NEGR1: variants seen among roughly 807,000 people sequenced by gnomAD.
NEGR1 encodes IgLON family member 4.
In NEGR1, 10 loss-of-function variants were observed where a neutral mutation model predicts 40.9. That is an observed-to-expected ratio of 0.24 (90% confidence interval 0.15 to 0.42). NEGR1 has a LOEUF of 0.42. Ranked by LOEUF, NEGR1 falls within the 10% of genes least tolerant of loss-of-function variation. NEGR1 has a pLI of 1.00. For synonymous variants in NEGR1, 185 were observed against 166.8 expected (o/e 1.11, Z -0.84); for missense variants, 352 against 438.9 (o/e 0.80, Z 1.77).
At chr1:72,051,108 T>C (rs1647055967) in intron 1 of NEGR1, among the ~76,000 whole-genome samples, 1 of 151,530 alleles carries the variant, frequency 6.6e-6, no homozygotes, top group Admixed American at 6.6e-5. Context: ...TCCCGATGCA[T>C]TGTAAGCCCA....
chr1:71,618,625 G>T (rs573091482), intron 4 of NEGR1, among the ~76,000 whole-genome samples: 8 of 152,124 alleles, frequency 5.3e-5, no homozygotes, highest in Non-Finnish European at 1.2e-4. Flanking sequence ...ACATTATGGC[G>T]AGTTGTATAA....
At chr1:72,115,290 C>T (rs1028773882) in intron 1 of NEGR1, among the ~76,000 whole-genome samples, 1 of 151,496 alleles carries the variant, frequency 6.6e-6, no homozygotes, top group African/African-American at 2.4e-5. Flanking sequence ...TAAACCAGAC[C>T]AAAAGTTAGG....
chr1:71,727,769 T>G (rs1247864446), intron 3 of NEGR1, among the ~76,000 whole-genome samples: 1 of 152,158 alleles, frequency 6.6e-6, no homozygotes, highest in Admixed American at 6.6e-5. Flanking sequence ...GATAAAGGTA[T>G]AACACAAAGG....
At chr1:71,457,839 T>C (rs528707379) in intron 6 of NEGR1, among the ~76,000 whole-genome samples, 9 of 152,050 alleles carry the variant, frequency 5.9e-5, no homozygotes, top group South Asian at 2.1e-4. Context: ...GTAGCTGGGA[T>C]TACAGGCACC....
Position 71,871,647 on chromosome 1 carries a change from T to A in NEGR1, c.409+63432A>T, listed in dbSNP as rs576854131. Among the ~76,000 whole-genome samples, 6 of 152,348 alleles carry A rather than the reference T, an allele frequency of 3.9e-5. No homozygotes were observed. In the South Asian group the frequency reaches 1.2e-3, roughly 32 times the overall value. On this transcript the variant is annotated intron_variant, in intron 2 of 6. Transcript: ENST00000357731. ...ATCAATACATGACAAGTTAAGCTGA[T>A]CTGCACTAGACAAATTGATTCTGAA...
intron 6 of NEGR1, among the ~76,000 whole-genome samples, chr1:71,585,151 A>T (rs765005777): frequency 3.9e-5 from 6 of 152,196 alleles, no homozygotes; most frequent in Non-Finnish European, 8.8e-5. Context: ...TGAGTTCAAT[A>T]ACAAAAATAT....
chr1:71,927,264 T>C (rs560130464), intron 2 of NEGR1, among the ~76,000 whole-genome samples: 1 of 152,302 alleles, frequency 6.6e-6, no homozygotes, highest in East Asian at 1.9e-4. Flanking sequence ...AATGCATTAA[T>C]TTTTTAATTG....
intron 1 of NEGR1, among the ~76,000 whole-genome samples, chr1:72,046,826 G>C (rs113796150): frequency 6.6e-6 from 1 of 151,522 alleles, no homozygotes; most frequent in Non-Finnish European, 1.5e-5. Context: ...GAAACTTAAT[G>C]TATAAAAAAT....
intron 2 of NEGR1, among the ~76,000 whole-genome samples, chr1:71,914,528 G>A (rs1661517484): frequency 6.6e-6 from 1 of 152,086 alleles, no homozygotes; most frequent in African/African-American, 2.4e-5. Context: ...TTCGAGTTTG[G>A]TGCTATCATT....
rs1650608270 is a variant in NEGR1, at chr1:72,139,896, A to T, written c.176+142423T>A. 2.6e-5 allele frequency among the ~76,000 whole-genome samples: 4 copies of T among 152,160 alleles called. No homozygotes were observed. The South Asian group carries it at 8.3e-4, about 32-fold the overall frequency. Reference sequence around the variant, plus strand: ...TTCTCTGTTTTTTCTTCCTCTTTTGACAACAGCCAGGTGTGAACTGGGAGA... The same window carrying T: ...TTCTCTGTTTTTTCTTCCTCTTTTGTCAACAGCCAGGTGTGAACTGGGAGA... On this transcript the variant is annotated intron_variant, in intron 1 of 6. Coordinates refer to ENST00000357731, the MANE Select transcript of NEGR1 (RefSeq NM_173808.3).
At chr1:72,193,807 G>A (rs1263319463) in intron 1 of NEGR1, among the ~76,000 whole-genome samples, 1 of 151,126 alleles carries the variant, frequency 6.6e-6, no homozygotes, top group Non-Finnish European at 1.5e-5. Flanking sequence ...TCATATTAAG[G>A]TGTATCCCAG....
At position 71,836,149 on chromosome 1, in the gene NEGR1, T is replaced by C. The variant is rs147747230; in HGVS notation, c.410-59852A>G. 2.6e-3 allele frequency among the ~76,000 whole-genome samples: 396 copies of C among 151,884 alleles called. 5 individuals carry two copies. Among genetic ancestry groups the C allele is most frequent in the African/African-American group, 9.1e-3 (377 of 41,444 alleles). ...TGGAGTTAAACCCAAATAGACAAAA[T>C]CCAGGCATGTTAAATCTACACTTTA... On this transcript the variant is annotated intron_variant, in intron 2 of 6. Coordinates refer to ENST00000357731, the MANE Select transcript of NEGR1 (RefSeq NM_173808.3).
chr1:72,232,200 A>C (rs563912802), intron 1 of NEGR1, among the ~76,000 whole-genome samples: 1 of 151,778 alleles, frequency 6.6e-6, no homozygotes, highest in South Asian at 2.1e-4. Flanking sequence ...CCAAAAATAC[A>C]AAAAAAATTA....
In NEGR1 at chr1:71,494,561, C is replaced by T. The variant is rs185584810; in HGVS notation, c.941-86991G>A. ...TGACTATAATAGTTTTCAATGAGTT[C>T]TGTGAGTCCTTATAGTGAATTATCA... is the stretch of plus-strand genomic sequence containing the variant. On this transcript the variant is annotated intron_variant, in intron 6 of 6. Coordinates refer to ENST00000357731, the MANE Select transcript of NEGR1 (RefSeq NM_173808.3). Among the ~76,000 whole-genome samples the T allele has an allele frequency of 2.1e-4, 32 of 152,230 alleles. No individual in the cohort carries two copies. In the East Asian group the frequency reaches 5.2e-3, roughly 25 times the overall value.
chr1:71,903,199 C>T (rs1255467448), intron 2 of NEGR1, among the ~76,000 whole-genome samples: 1 of 151,858 alleles, frequency 6.6e-6, no homozygotes, highest in African/African-American at 2.4e-5. Flanking sequence ...ACCTTTGTAC[C>T]CTGTTCTGGC....
intron 6 of NEGR1, among the ~76,000 whole-genome samples, chr1:71,409,393 A>C (rs2101259784): frequency 6.6e-6 from 1 of 152,198 alleles, no homozygotes; most frequent in African/African-American, 2.4e-5. Context: ...AATAAGAAAT[A>C]AAATTTAAAA....
chr1:72,088,792 CTCTCTTT>C lies in NEGR1; in HGVS notation c.177-153488_177-153482del, dbSNP rs1284925352. ...AACAATGTATAATGTAGTTCTCTCT[CTCTCTTT>C]TTTTTTTTTTTTTTTTTTTTTTTTG... is the stretch of plus-strand genomic sequence containing the variant. On this transcript the variant is annotated intron_variant, in intron 1 of 6. Transcript: ENST00000357731. Among the ~76,000 whole-genome samples the C allele has an allele frequency of 7.1e-3, 875 of 124,090 alleles. 27 individuals are homozygous for C. The highest frequency in any genetic ancestry group is 0.019 in the African/African-American group (597 of 31,782). 81.4% of individuals were successfully genotyped at this position (124,090 alleles called of 152,430 possible).
chr1:72,212,210 C>CAATTTTACATAAAT (rs1374453540), intron 1 of NEGR1, among the ~76,000 whole-genome samples: 6 of 151,776 alleles, frequency 4.0e-5, no homozygotes, highest in Non-Finnish European at 5.9e-5. Context: ...TTGTGTTAAA[C>CAATTTTACATAAAT]TTTATCAATT....
intron 1 of NEGR1, among the ~76,000 whole-genome samples, chr1:72,156,736 G>T (rs916924158): frequency 6.6e-6 from 1 of 152,032 alleles, no homozygotes; most frequent in Non-Finnish European, 1.5e-5. Flanking sequence ...AAAATACATG[G>T]AAGGGGAAAA....
Sources: gnomAD v4.1 joint callset for allele counts (sites outside exome capture counted in the v4.1 genomes callset) on GRCh38, gnomAD v4.1.1 for gene constraint, MANE v1.5 for transcripts, NCBI Gene and HGNC (gene_info 2026-07-23, HGNC 2026-07-21) for gene names.